The following STAU1 variants were observed in gnomAD, a reference collection of about 807,000 sequenced individuals.
STAU1 encodes the protein double-stranded RNA-binding protein Staufen homolog 1.
A neutral mutation model predicts 62.9 loss-of-function variants in STAU1; 13 were observed. That is an observed-to-expected ratio of 0.21 (90% confidence interval 0.13 to 0.33). The LOEUF (loss-of-function observed/expected upper bound fraction) is 0.33, where lower values mean the gene tolerates loss of function less well. Among genes scored for constraint, STAU1 ranks in the 10% least tolerant of loss-of-function variants. The pLI is 1.00. For synonymous variants in STAU1, 269 were observed against 265.1 expected (o/e 1.01, Z -0.14); for missense variants, 571 against 712.1 (o/e 0.80, Z 2.25).
At chr20:49,205,483 G>A in the STAU1 span, among the ~76,000 whole-genome samples, 12 of 143,772 alleles carry the variant, frequency 8.3e-5, no homozygotes, top group African/African-American at 2.1e-4. Context: ...CTCCTGCCCC[G>A]TCCTCCTGAG....
intron 1 of STAU1, among the ~76,000 whole-genome samples, chr20:49,177,758 A>G (rs925447585): frequency 6.6e-6 from 1 of 152,226 alleles, no homozygotes; most frequent in African/African-American, 2.4e-5. Context: ...AGAGTCAGAC[A>G]TAAAGACAAT....
intron 5 of STAU1, among the ~76,000 whole-genome samples, chr20:49,147,898 A>T (rs2093162703): frequency 6.6e-6 from 1 of 152,238 alleles, no homozygotes; most frequent in African/African-American, 2.4e-5. Flanking sequence ...TGAAATAGAT[A>T]GGCATCTGTA....
At chr20:49,151,544 C>G (rs745650144) in intron 5 of STAU1, 38 bp downstream of exon 5, 2 of 1,544,248 alleles carry the variant, frequency 1.3e-6, no homozygotes, top group Non-Finnish European at 1.7e-6. Context: ...CCCTCCTACC[C>G]TGTCGAAGCG....
the STAU1 span, among the ~76,000 whole-genome samples, chr20:49,195,910 A>G: frequency 5.5e-5 from 5 of 90,920 alleles, no homozygotes; most frequent in African/African-American, 1.4e-4. Context: ...AAAAAAAAAA[A>G]AAAAAAAGAA....
chr20:49,148,867 A>G (rs146494343), intron 5 of STAU1, among the ~76,000 whole-genome samples: 194 of 152,324 alleles, frequency 1.3e-3, no homozygotes, highest in African/African-American at 4.4e-3. Context: ...GGAGGACTCA[A>G]GGGGAGGAAC....
At position 49,135,934 on chromosome 20, in the gene STAU1, G is replaced by A; in HGVS notation, c.511-3C>T. On this transcript the variant is annotated splice_polypyrimidine_tract_variant and splice_region_variant and intron_variant, in intron 5 of 13. Coordinates refer to ENST00000371856, the MANE Select transcript of STAU1 (RefSeq NM_017453.4). ...TCTTCGGATTCTCTTCCATTCACCT[G>A]TAAGAATAATTGTTTAGTAGTTAGC... 2 of 1,609,684 alleles carry A rather than the reference G, an allele frequency of 1.2e-6. No homozygotes were observed. The highest frequency in any genetic ancestry group is 1.7e-6 in the Non-Finnish European group (2 of 1,176,994).
At chr20:49,177,834 A>G (rs2093678718) in intron 1 of STAU1, among the ~76,000 whole-genome samples, 1 of 152,194 alleles carries the variant, frequency 6.6e-6, no homozygotes, top group South Asian at 2.1e-4. Context: ...GAAATACAGC[A>G]GTCATTTGGA....
intron 1 of STAU1, among the ~76,000 whole-genome samples, chr20:49,174,869 G>A (rs1439413436): frequency 1.3e-5 from 2 of 149,496 alleles, no homozygotes; most frequent in African/African-American, 4.9e-5. Flanking sequence ...GGGAGACGGA[G>A]CTTGCAGTGA....
At chr20:49,143,322 T>C (rs778667310) in intron 5 of STAU1, among the ~76,000 whole-genome samples, 1 of 152,214 alleles carries the variant, frequency 6.6e-6, no homozygotes. Flanking sequence ...CCAGGTGTGA[T>C]AGCTCATCCC....
chr20:49,117,935 C>A lies in STAU1; in HGVS notation c.1351G>T (p.Val451Leu). The A allele has an allele frequency of 6.2e-7, 1 of 1,614,184 alleles. No homozygotes were observed. The change falls in exon 11 of 14, where the codon GTA becomes TTA. Residue 451 changes from valine to leucine, a missense_variant. Around this residue, in one of 3 missense-constraint regions of STAU1, gnomAD observed 156 missense variants for 194.7 expected, o/e 0.80. Coordinates refer to ENST00000371856, the MANE Select transcript of STAU1 (RefSeq NM_017453.4). The surrounding 1 kb of genome is among the most constrained non-coding windows in gnomAD (Gnocchi z 4.6). ...AACTCTCGGGCTATCATGGCAGTTA[C>A]CGTGGCCTTGGCAGGATTCGGAGCT... The part of the protein sequence containing the change: ...RAAPNPAKAT[V>L]TAMIARELLY...
intron 1 of STAU1, among the ~76,000 whole-genome samples, chr20:49,175,159 A>AAAAT (rs1003821150): frequency 7.9e-5 from 12 of 151,290 alleles, no homozygotes; most frequent in Non-Finnish European, 1.6e-4. Context: ...CGTCTCAAAG[A>AAAAT]AAATAAATAA....
chr20:49,189,601 CAG>C (rs567257499), upstream of STAU1, among the ~76,000 whole-genome samples: 335 of 118,186 alleles, frequency 2.8e-3, 1 homozygote, highest in African/African-American at 0.011. Context: ...ACCTGGGCAA[CAG>C]AGTGAGACTC....
At chr20:49,192,008 G>A (rs1003322231), upstream of STAU1, among the ~76,000 whole-genome samples, 8 of 151,938 alleles carry the variant, frequency 5.3e-5, no homozygotes, top group Middle Eastern at 3.4e-3. Flanking sequence ...CTGAGATCAC[G>A]CCACTGTATT....
In STAU1 at chr20:49,114,031, T is replaced by G. The variant is rs1458752370; in HGVS notation, c.*847A>C. 7.2e-5 allele frequency: 11 copies of G among 152,664 alleles called. No individual in the cohort carries two copies. The highest frequency in any genetic ancestry group is 7.2e-4 in the Admixed American group (11 of 15,282). The allele number at this position is 152,664 out of a possible 1,614,324, so 9.5% of individuals were successfully genotyped here. A position where few individuals can be genotyped will look rare whatever the true frequency, so the allele number is the denominator to read the frequency against. Reference sequence around the variant, plus strand: ...TCCAATTTATACAACTGTGGGAGACTTATTCAAGGTTTTTGAAAGTCCAGG... The same window carrying G: ...TCCAATTTATACAACTGTGGGAGACGTATTCAAGGTTTTTGAAAGTCCAGG... On this transcript the variant is annotated 3_prime_UTR_variant, in exon 14 of 14. Transcript: ENST00000371856.
intron 3 of STAU1, among the ~76,000 whole-genome samples, chr20:49,164,578 C>T (rs1412910864): frequency 1.3e-5 from 2 of 151,992 alleles, no homozygotes; most frequent in Non-Finnish European, 2.9e-5. Flanking sequence ...GTGTGAACCA[C>T]CACGCCTGGC....
At chr20:49,165,281 G>T (rs2093508083) in intron 3 of STAU1, among the ~76,000 whole-genome samples, 1 of 151,114 alleles carries the variant, frequency 6.6e-6, no homozygotes, top group Admixed American at 6.6e-5. Context: ...ATGACCTCGT[G>T]ATCTGCCCGC....
intron 8 of STAU1, among the ~76,000 whole-genome samples, chr20:49,120,857 T>C (rs551647570): frequency 1.3e-5 from 2 of 152,242 alleles, no homozygotes; most frequent in East Asian, 3.9e-4. Context: ...TGCAATGGCA[T>C]GATCTCAGCT....
At chr20:49,155,551 C>T (rs1442772367) in intron 3 of STAU1, among the ~76,000 whole-genome samples, 1 of 152,072 alleles carries the variant, frequency 6.6e-6, no homozygotes, top group African/African-American at 2.4e-5. Context: ...ACATAAAAAT[C>T]CACTTTAAAA....
intron 6 of STAU1, among the ~76,000 whole-genome samples, chr20:49,125,765 G>A (rs965806152): frequency 1.1e-4 from 16 of 151,910 alleles, no homozygotes; most frequent in African/African-American, 2.2e-4. Flanking sequence ...GGAGAATGGC[G>A]TGAACCTGGG....
Sources: gnomAD v4.1 joint callset for allele counts (sites outside exome capture counted in the v4.1 genomes callset) on GRCh38, gnomAD v4.1.1 for gene constraint, gnomAD v4.1.1 regional missense constraint, Gnocchi (gnomAD v3.1) non-coding constraint, MANE v1.5 for transcripts, NCBI Gene and HGNC (gene_info 2026-07-23, HGNC 2026-07-21) for gene names.